FAF1: variants seen among roughly 807,000 people sequenced by gnomAD.
FAF1 encodes FAS-associated factor 1.
A neutral mutation model predicts 92.5 loss-of-function variants in FAF1; 25 were observed. The ratio of observed to expected loss-of-function variants is 0.27; its 90% CI spans 0.20 to 0.38. FAF1 has a LOEUF of 0.38. Ranked by LOEUF, FAF1 falls within the 10% of genes least tolerant of loss-of-function variation. The pLI, the probability that FAF1 is intolerant of heterozygous loss-of-function variation, is 1.00. For missense variants in FAF1, 636 were observed against 793.3 expected (o/e 0.80, Z 2.38); for synonymous variants, 234 against 273.2 (o/e 0.86, Z 1.42).
At chr1:50,743,908 T>G (rs1659488742) in intron 5 of FAF1, among the ~76,000 whole-genome samples, 1 of 151,672 alleles carries the variant, frequency 6.6e-6, no homozygotes, top group South Asian at 2.1e-4. Flanking sequence ...TCATCTCTAC[T>G]AAAAATGCAA....
intron 8 of FAF1, among the ~76,000 whole-genome samples, chr1:50,610,317 C>T (rs897190231): frequency 6.6e-6 from 1 of 152,140 alleles, no homozygotes; most frequent in African/African-American, 2.4e-5. Flanking sequence ...AGTATCCTTT[C>T]CCAAAAGAGA....
intron 7 of FAF1, among the ~76,000 whole-genome samples, chr1:50,682,279 C>T (rs916239383): frequency 2.0e-5 from 3 of 151,940 alleles, no homozygotes; most frequent in Non-Finnish European, 4.4e-5. Flanking sequence ...GTGGGCCCAT[C>T]GCTTGAGCCC....
chr1:50,863,999 T>C (rs1644458599), intron 1 of FAF1, among the ~76,000 whole-genome samples: 1 of 151,942 alleles, frequency 6.6e-6, no homozygotes, highest in Non-Finnish European at 1.5e-5. Flanking sequence ...GTAGAGGTGT[T>C]TGTAGTATTC....
intron 1 of FAF1, among the ~76,000 whole-genome samples, chr1:50,947,070 A>AG (rs1289835787): frequency 6.6e-6 from 1 of 152,254 alleles, no homozygotes; most frequent in Non-Finnish European, 1.5e-5. Flanking sequence ...TTAAGAGCCT[A>AG]GCACAGTACC....
At chr1:50,617,789 T>C (rs1652997395) in intron 8 of FAF1, among the ~76,000 whole-genome samples, 3 of 151,380 alleles carry the variant, frequency 2.0e-5, no homozygotes, top group Admixed American at 2.0e-4. Flanking sequence ...TCTGGTCCAG[T>C]GCTTTTTTTG....
intron 13 of FAF1, among the ~76,000 whole-genome samples, chr1:50,540,286 A>T (rs1038656142): frequency 6.6e-6 from 1 of 152,080 alleles, no homozygotes; most frequent in African/African-American, 2.4e-5. Context: ...TCTTAGCCTT[A>T]AACACTACAA....
intron 2 of FAF1, among the ~76,000 whole-genome samples, chr1:50,813,410 C>T (rs941563386): frequency 1.6e-4 from 24 of 152,088 alleles, no homozygotes; most frequent in African/African-American, 5.8e-4. Flanking sequence ...CCTGCATACA[C>T]ATTTTTCCAA....
intron 2 of FAF1, among the ~76,000 whole-genome samples, 194 bp downstream of exon 2, chr1:50,857,735 C>G (rs1557561587): frequency 6.6e-6 from 1 of 151,706 alleles, no homozygotes; most frequent in Non-Finnish European, 1.5e-5. Flanking sequence ...ATTAAATTAT[C>G]TAAGTATTCA....
chr1:50,784,441 T>A (rs1426568966), intron 4 of FAF1, among the ~76,000 whole-genome samples: 2 of 152,150 alleles, frequency 1.3e-5, no homozygotes, highest in Middle Eastern at 3.2e-3. Flanking sequence ...CAGTCCCATT[T>A]ACAATAGCTT....
At chr1:50,581,131 T>C (rs1216125660) in intron 12 of FAF1, among the ~76,000 whole-genome samples, 3 of 152,192 alleles carry the variant, frequency 2.0e-5, no homozygotes, top group African/African-American at 7.2e-5. Context: ...GCCATAAACA[T>C]GCAATTCTTT....
intron 12 of FAF1, 111 bp downstream of exon 12, chr1:50,582,507 T>C (rs533097602): frequency 1.4e-6 from 1 of 708,934 alleles, no homozygotes; most frequent in African/African-American, 1.8e-5. Context: ...GAGTTCCATG[T>C]TTTTGGAAAA....
chr1:50,677,509 G>C (rs1307569540), intron 7 of FAF1, among the ~76,000 whole-genome samples: 1 of 152,010 alleles, frequency 6.6e-6, no homozygotes, highest in East Asian at 1.9e-4. Flanking sequence ...AATTAAAAAA[G>C]TAAACACTGT....
At chr1:50,478,793 A>C (rs1241357328) in intron 17 of FAF1, among the ~76,000 whole-genome samples, 1 of 152,190 alleles carries the variant, frequency 6.6e-6, no homozygotes, top group Non-Finnish European at 1.5e-5. Context: ...CTTTTTTCAA[A>C]ATTTGAGTCA....
At chr1:50,487,531 A>C (rs1010162100) in intron 17 of FAF1, among the ~76,000 whole-genome samples, 9 of 152,220 alleles carry the variant, frequency 5.9e-5, no homozygotes, top group African/African-American at 1.2e-4. Context: ...TAAATTAATA[A>C]AACAGGAGAT....
intron 18 of FAF1, chr1:50,469,420 G>A (rs1030418873): frequency 1.3e-5 from 2 of 152,154 alleles, no homozygotes; most frequent in Non-Finnish European, 2.9e-5. Flanking sequence ...CCTTAGTGAG[G>A]TCTCTTGTTT....
At chr1:50,929,105 A>AG (rs1645029613) in intron 1 of FAF1, among the ~76,000 whole-genome samples, 1 of 151,102 alleles carries the variant, frequency 6.6e-6, no homozygotes, top group South Asian at 2.1e-4. Context: ...AAAAGAAAAA[A>AG]AAACTGGGAA....
chr1:50,912,243 G>A (rs1181141315), intron 1 of FAF1, among the ~76,000 whole-genome samples: 1 of 152,156 alleles, frequency 6.6e-6, no homozygotes, highest in African/African-American at 2.4e-5. Flanking sequence ...AGTGTTTACG[G>A]TGTTGTCCTC....
At chr1:50,592,288 GTTTTTGGATTTC>G in intron 9 of FAF1, among the ~76,000 whole-genome samples, 1 of 151,632 alleles carries the variant, frequency 6.6e-6, no homozygotes, top group East Asian at 1.9e-4. Flanking sequence ...TTGTTGTTAA[GTTTTTGGATTTC>G]TTCTCCTTCT....
At chr1:50,743,810 C>T (rs1169185452) in intron 5 of FAF1, among the ~76,000 whole-genome samples, 4 of 152,056 alleles carry the variant, frequency 2.6e-5, no homozygotes, top group Non-Finnish European at 4.4e-5. Context: ...CAGCAGCTCA[C>T]ACCTATAATC....
Sources: gnomAD v4.1 joint callset for allele counts (sites outside exome capture counted in the v4.1 genomes callset) on GRCh38, gnomAD v4.1.1 for gene constraint, MANE v1.5 for transcripts, NCBI Gene and HGNC (gene_info 2026-07-23, HGNC 2026-07-21) for gene names.